SEMA3E: variants seen among roughly 807,000 people sequenced by gnomAD.
SEMA3E encodes the protein semaphorin 3E, also known as semaphorin-3E.
A neutral mutation model predicts 93.6 loss-of-function variants in SEMA3E; 49 were observed. That is an observed-to-expected ratio of 0.52 (90% CI 0.42 to 0.66). The LOEUF (loss-of-function observed/expected upper bound fraction) is 0.66. Among genes scored for constraint, SEMA3E ranks in the 30% least tolerant of loss-of-function variants. SEMA3E has a pLI of 0.00. For missense variants in SEMA3E, 906 were observed against 964.8 expected, an observed-to-expected ratio of 0.94 and a Z score of 0.81; for synonymous variants, 363 against 330.7, an observed-to-expected ratio of 1.10 and a Z score of -1.06.
rs56867715 is a variant in SEMA3E at position 83,363,860 on chromosome 7, A to ATTTT, written c.*3722_*3725dup. On this transcript the variant is annotated 3_prime_UTR_variant, in exon 17 of 17. Coordinates refer to ENST00000643230, the MANE Select transcript of SEMA3E (RefSeq NM_012431.3). ...GGCTACAGGTGTCACAGGTCAATTC[A>ATTTT]TTTTTTTTTTTTTTTTTTTTTTTTT... The ATTTT allele has an allele frequency of 2.5e-4, 19 of 76,958 alleles. No individual in the cohort carries two copies. The highest frequency in any genetic ancestry group is 9.5e-4 in the African/African-American group (19 of 20,102). The allele number at this position is 76,958 out of a possible 1,614,324, so 4.8% of individuals were successfully genotyped here.
chr7:83,504,326 A>G (rs1413968682), intron 1 of SEMA3E, among the ~76,000 whole-genome samples: 1 of 152,206 alleles, frequency 6.6e-6, no homozygotes. Flanking sequence ...ACATTATAAT[A>G]ACAAAGAAAA....
chr7:83,404,922 T>TAC (rs1009808525), intron 9 of SEMA3E, among the ~76,000 whole-genome samples: 3 of 151,568 alleles, frequency 2.0e-5, no homozygotes, highest in African/African-American at 7.3e-5. Flanking sequence ...AATAAAAATA[T>TAC]AGTAATGGGA....
At chr7:83,633,550 A>T (rs866673721) in intron 1 of SEMA3E, among the ~76,000 whole-genome samples, 3 of 152,188 alleles carry the variant, frequency 2.0e-5, no homozygotes, top group African/African-American at 7.2e-5. Context: ...GGGAAACATA[A>T]TTTATATGTT....
chr7:83,584,828 C>T (rs151215221), intron 1 of SEMA3E, among the ~76,000 whole-genome samples: 1 of 152,182 alleles, frequency 6.6e-6, no homozygotes, highest in East Asian at 1.9e-4. Flanking sequence ...TCACTGGTCC[C>T]TTCTCCTCCA....
In SEMA3E at chr7:83,625,013, T is replaced by A. The variant is rs374129804; in HGVS notation, c.115+23415A>T. 8.5e-5 allele frequency among the ~76,000 whole-genome samples: 13 copies of A among 152,314 alleles called. 1 individual carries two copies. Among genetic ancestry groups the A allele is most frequent in the East Asian group, 1.9e-4 (1 of 5,186 alleles). On this transcript the variant is annotated intron_variant, in intron 1 of 16. Coordinates refer to ENST00000643230, the MANE Select transcript of SEMA3E (RefSeq NM_012431.3). Reference sequence around the variant, plus strand: ...TCCCCATTGCTTGTTTTTGTCAGGTTTGTCAAATATCAGATGGTTGTAGAT... The same window carrying A: ...TCCCCATTGCTTGTTTTTGTCAGGTATGTCAAATATCAGATGGTTGTAGAT...
chr7:83,420,305 T>A (rs1010836441), intron 4 of SEMA3E, among the ~76,000 whole-genome samples: 2 of 152,020 alleles, frequency 1.3e-5, no homozygotes, highest in Non-Finnish European at 2.9e-5. Flanking sequence ...ATCATATAGA[T>A]GATACAAACA....
At chr7:83,510,775 T>C (rs961469047) in intron 1 of SEMA3E, among the ~76,000 whole-genome samples, 2 of 152,152 alleles carry the variant, frequency 1.3e-5, no homozygotes, top group African/African-American at 2.4e-5. Flanking sequence ...ACAAAGCAAA[T>C]GTGGTTTCTC....
chr7:83,406,733 G>A lies in SEMA3E; in HGVS notation c.813+364C>T, dbSNP rs116313623. ...TTTTTAAAAATAATTTTAACCAACC[G>A]AATTGTTCAAACATAGCTATGTATA... On this transcript the variant is annotated intron_variant, in intron 7 of 16. Transcript: ENST00000643230. Among the ~76,000 whole-genome samples, 664 of 151,782 alleles carry A rather than the reference G, an allele frequency of 4.4e-3. 7 individuals are homozygous for A. The highest frequency in any genetic ancestry group is 0.014 in the African/African-American group (600 of 41,402).
chr7:83,463,344 C>T (rs1789673622), intron 4 of SEMA3E, among the ~76,000 whole-genome samples: 1 of 152,074 alleles, frequency 6.6e-6, no homozygotes, highest in Admixed American at 6.6e-5. Context: ...TTTAGAGGCC[C>T]TCAAAATCAC....
intron 1 of SEMA3E, among the ~76,000 whole-genome samples, chr7:83,586,068 G>C: frequency 6.6e-6 from 1 of 152,182 alleles, no homozygotes; most frequent in East Asian, 1.9e-4. Context: ...ATTTTAACTG[G>C]AAAAAGTCTT....
chr7:83,402,640 G>A lies in SEMA3E; in HGVS notation c.1135C>T (p.Pro379Ser), dbSNP rs1325245021. 1.9e-6 allele frequency: 3 copies of A among 1,611,982 alleles called. No individual in the cohort carries two copies. Among genetic ancestry groups the A allele is most frequent in the Non-Finnish European group, 2.5e-6 (3 of 1,178,500 alleles). ...TATATAACTAAACTTACAGAACCAG[G>A]CCTTGGATAAGGGACTTTTCCTTCA... The part of the protein sequence containing the change: ...VYEGKVPYPR[P>S]GSCASKVNGG... Residue 379 changes from proline to serine, a missense_variant, in exon 10 of 17, where the codon CCT becomes TCT. Coordinates refer to ENST00000643230, the MANE Select transcript of SEMA3E (RefSeq NM_012431.3).
intron 16 of SEMA3E, among the ~76,000 whole-genome samples, chr7:83,382,530 CA>C (rs778634881): frequency 2.6e-5 from 4 of 151,852 alleles, no homozygotes; most frequent in Non-Finnish European, 4.4e-5. Flanking sequence ...TTCCTGTTTG[CA>C]ATAGGTACAT....
intron 1 of SEMA3E, among the ~76,000 whole-genome samples, chr7:83,521,850 T>A (rs1299523113): frequency 6.6e-6 from 1 of 152,092 alleles, no homozygotes; most frequent in African/African-American, 2.4e-5. Flanking sequence ...ACTCCAAATA[T>A]AGTGGCTTCA....
chr7:83,483,904 A>T (rs186349445), intron 2 of SEMA3E, among the ~76,000 whole-genome samples: 197 of 152,242 alleles, frequency 1.3e-3, no homozygotes, highest in Middle Eastern at 3.4e-3. Flanking sequence ...ACCGCTGTTG[A>T]CCATAGTCAC....
chr7:83,479,467 A>G (rs1227748049), intron 2 of SEMA3E, among the ~76,000 whole-genome samples: 2 of 152,168 alleles, frequency 1.3e-5, no homozygotes, highest in Non-Finnish European at 2.9e-5. Flanking sequence ...TGTTTCTAGA[A>G]CTTAGTTAAG....
At chr7:83,557,224 T>C (rs538957188) in intron 1 of SEMA3E, among the ~76,000 whole-genome samples, 3 of 152,118 alleles carry the variant, frequency 2.0e-5, no homozygotes, top group Admixed American at 2.0e-4. Context: ...ATGTTTATAA[T>C]ATTTCTTCAA....
chr7:83,555,700 T>C (rs1791872984), intron 1 of SEMA3E, among the ~76,000 whole-genome samples: 1 of 152,202 alleles, frequency 6.6e-6, no homozygotes. Context: ...TTTCTAACAA[T>C]TGGATCTGTC....
Position 83,384,622 on chromosome 7 carries a change from T to C in SEMA3E, c.1875+672A>G, listed in dbSNP as rs534485928. On this transcript the variant is annotated intron_variant, in intron 16 of 16. Coordinates refer to ENST00000643230, the MANE Select transcript of SEMA3E (RefSeq NM_012431.3). ...ACCTCTTTATGCCCTGGACTCTTTC[T>C]ATAGACAGCCCTTGACTCACATTCT... Among the ~76,000 whole-genome samples, 195 of 152,190 alleles carry C rather than the reference T, an allele frequency of 1.3e-3. 1 individual carries two copies. Among genetic ancestry groups the C allele is most frequent in the African/African-American group, 4.5e-3 (187 of 41,560 alleles).
intron 1 of SEMA3E, among the ~76,000 whole-genome samples, chr7:83,593,964 C>A (rs1194705239): frequency 6.6e-6 from 1 of 152,052 alleles, no homozygotes; most frequent in African/African-American, 2.4e-5. Context: ...ATATTCAAAC[C>A]AGACATATAA....
Sources: allele counts gnomAD v4.1 joint callset (sites outside exome capture counted in the v4.1 genomes callset), GRCh38; gene constraint gnomAD v4.1.1; transcripts MANE v1.5; gene names NCBI Gene and HGNC (gene_info 2026-07-23, HGNC 2026-07-21).